The following SP140 variants were observed in gnomAD, a reference collection of about 807,000 sequenced individuals.
SP140 encodes the protein SP140 nuclear body protein.
In SP140, 81 loss-of-function variants were observed where a neutral mutation model predicts 125.0. That is an observed-to-expected ratio of 0.65 (90% CI 0.54 to 0.78). SP140 has a LOEUF of 0.78. SP140 is among the 30% of genes least tolerant of loss of function. The pLI is 0.00. For synonymous variants in SP140, 312 were observed against 354.0 expected (o/e 0.88, Z 1.33); for missense variants, 858 against 1,037.0 (o/e 0.83, Z 2.37).
chr2:230,310,064 T>G (rs773081762), intron 23 of SP140, 25 bp downstream of exon 23: 1 of 1,609,914 alleles, frequency 6.2e-7, no homozygotes, highest in South Asian at 1.1e-5. Flanking sequence ...GGCGTCTCTC[T>G]TTTTGTCCTT....
chr2:230,310,044 G>A lies in SP140; in HGVS notation c.2174+5G>A, dbSNP rs1297679484. ...CCCGCCTGTGGAAGCTGAGAGGTAA[G>A]TGACATGCAGGCGTCTCTCTTTTTG... On this transcript the variant is annotated splice_donor_5th_base_variant and intron_variant, in intron 23 of 26. Coordinates refer to ENST00000392045, the MANE Select transcript of SP140 (RefSeq NM_007237.5). 6.2e-7 allele frequency: 1 copy of A among 1,613,796 alleles called. No individual in the cohort carries two copies. Among genetic ancestry groups the A allele is most frequent in the East Asian group, 2.2e-5 (1 of 44,884 alleles).
Position 230,312,896 on chromosome 2 carries a change from G to C in SP140, c.*212G>C. On this transcript the variant is annotated 3_prime_UTR_variant, in exon 27 of 27. Coordinates refer to ENST00000392045, the MANE Select transcript of SP140 (RefSeq NM_007237.5). ...CAAGTATCTCATCAGCCAGGGAAGA[G>C]TAAGTGGGATCACAGGGAAGGATGT... 1 of 442,940 alleles carries C rather than the reference G, an allele frequency of 2.3e-6. No individual in the cohort carries two copies. Among genetic ancestry groups the C allele is most frequent in the Non-Finnish European group, 4.1e-6 (1 of 245,468 alleles). 27.4% of individuals were successfully genotyped at this position (442,940 alleles called of 1,614,324 possible).
chr2:230,223,390 T>C (rs1286894079), upstream of SP140, among the ~76,000 whole-genome samples: 3 of 152,178 alleles, frequency 2.0e-5, no homozygotes, highest in South Asian at 6.2e-4. Context: ...AACTATATTA[T>C]GACAAAGGGC....
Position 230,211,664 on chromosome 2 carries a change from A to T in SP140, c.-322-1990A>T. On this transcript the variant is annotated intron_variant, in intron 1 of 4. Coordinates refer to the SP140 transcript ENST00000456542. The surrounding 1 kb of genome is among the most constrained non-coding windows in gnomAD (Gnocchi z 4.2). ...AAGTAAAAATGACGGGGTAACAGCA[A>T]CCAAGGCCTGGGAAAGGATGGCATA... is the stretch of plus-strand genomic sequence containing the variant. 1 of 748,086 alleles carries T rather than the reference A, an allele frequency of 1.3e-6. No homozygotes were observed. The highest frequency in any genetic ancestry group is 2.4e-6 in the Non-Finnish European group (1 of 414,652). The allele number at this position is 748,086 out of a possible 1,614,324, so 46.3% of individuals were successfully genotyped here.
chr2:230,292,873 G>A (rs1277844631), intron 20 of SP140, 85 bp downstream of exon 20: 2 of 1,581,688 alleles, frequency 1.3e-6, no homozygotes, highest in Non-Finnish European at 1.7e-6. Context: ...ATATTTGTTA[G>A]GTTATAGCTA....
At chr2:230,286,670 G>A (rs2056421377) in intron 17 of SP140, among the ~76,000 whole-genome samples, 1 of 152,220 alleles carries the variant, frequency 6.6e-6, no homozygotes, top group Non-Finnish European at 1.5e-5. Flanking sequence ...CTGGATGTGA[G>A]TGAAGGGCTG....
intron 11 of SP140, 119 bp from the exon 12 acceptor site, chr2:230,255,333 T>G: frequency 8.8e-7 from 1 of 1,133,562 alleles, no homozygotes; most frequent in Non-Finnish European, 1.3e-6. Flanking sequence ...AGGACCTGGG[T>G]GGGGGACAGC....
In SP140 at chr2:230,269,868, G is replaced by A. The variant is rs752538813; in HGVS notation, c.1359G>A (p.Lys453=). 4.3e-6 allele frequency: 7 copies of A among 1,613,996 alleles called. No homozygotes were observed. The South Asian group carries it at 6.6e-5, about 15-fold the overall frequency. The change falls in exon 14 of 27, where the codon AAG becomes AAA. Residue 453 remains lysine, a synonymous_variant. Coordinates refer to ENST00000392045, the MANE Select transcript of SP140 (RefSeq NM_007237.5). ...GAEQSAYENE[K]CSCVMCFSEE... ...AGCAATCAGCATATGAAAATGAGAA[G>A]TGTTCCTGTGTCATGTGTTTCTCAG...
chr2:230,307,343 G>A (rs1395030276), intron 22 of SP140, among the ~76,000 whole-genome samples: 2 of 152,204 alleles, frequency 1.3e-5, no homozygotes, highest in Admixed American at 6.5e-5. Context: ...GAATGGTGAG[G>A]CTAAAAGAGC....
In SP140 at chr2:230,286,330, A is replaced by G. The variant is rs2056378176; in HGVS notation, c.1645+498A>G. 2.6e-5 allele frequency among the ~76,000 whole-genome samples: 4 copies of G among 152,214 alleles called. 1 individual carries two copies. The South Asian group carries it at 8.3e-4, about 32-fold the overall frequency. ...CAGTTTAAAGCACCTTCGCTTCTTCAGCCTAGGCAAGCCTTAGTCTGGAAC... is the reference window on the plus strand; with the variant it reads ...CAGTTTAAAGCACCTTCGCTTCTTCGGCCTAGGCAAGCCTTAGTCTGGAAC... On this transcript the variant is annotated intron_variant, in intron 17 of 26. Transcript: ENST00000392045.
At position 230,285,258 on chromosome 2, in the gene SP140, G is replaced by A. The variant is rs546026401; in HGVS notation, c.1565-494G>A. ...TCTGAGGACTTCCATTCTTCTAGAC[G>A]ATGAAGGCTAAGTCTCATTTTCTAA... On this transcript the variant is annotated intron_variant, in intron 16 of 26. Coordinates refer to ENST00000392045, the MANE Select transcript of SP140 (RefSeq NM_007237.5). 4.6e-5 allele frequency among the ~76,000 whole-genome samples: 7 copies of A among 152,152 alleles called. No homozygotes were observed. In the South Asian group the frequency reaches 6.2e-4, roughly 14 times the overall value.
intron 1 of SP140, among the ~76,000 whole-genome samples, chr2:230,226,217 C>T (rs1264796227): frequency 1.3e-5 from 2 of 152,138 alleles, no homozygotes; most frequent in African/African-American, 4.8e-5. Context: ...ACCCTCTCTT[C>T]TCCCCCAGGC....
rs899130509 is a variant in SP140 at position 230,229,681 on chromosome 2, A to G, written c.59+3778A>G. Among the ~76,000 whole-genome samples, 37 of 151,642 alleles carry G rather than the reference A, an allele frequency of 2.4e-4. 1 individual carries two copies. Among genetic ancestry groups the G allele is most frequent in the African/African-American group, 8.0e-4 (33 of 41,344 alleles). ...ACGGGATTTCACCATGTTAGCCAGG[A>G]TGGTCAAGAAATTCTTTTAACATTT... is the stretch of plus-strand genomic sequence containing the variant. On this transcript the variant is annotated intron_variant, in intron 1 of 26. Transcript: ENST00000392045.
chr2:230,275,562 CT>C (rs2054593757), intron 15 of SP140, among the ~76,000 whole-genome samples: 1 of 152,088 alleles, frequency 6.6e-6, no homozygotes, highest in African/African-American at 2.4e-5. Flanking sequence ...AGCTGTTCCC[CT>C]GTCTCTCTCC....
intron 22 of SP140, among the ~76,000 whole-genome samples, chr2:230,299,005 G>T (rs1412606583): frequency 6.6e-6 from 1 of 152,184 alleles, no homozygotes; most frequent in South Asian, 2.1e-4. Flanking sequence ...GTACAGCCAG[G>T]CCAACAACCA....
chr2:230,312,189 G>T (rs986794787), intron 26 of SP140, among the ~76,000 whole-genome samples: 1 of 152,200 alleles, frequency 6.6e-6, no homozygotes, highest in Admixed American at 6.5e-5. Flanking sequence ...TAATAAGAAA[G>T]GATCATGCTG....
intron 12 of SP140, among the ~76,000 whole-genome samples, chr2:230,267,053 G>T (rs1469790394): frequency 2.6e-5 from 4 of 152,136 alleles, no homozygotes; most frequent in Admixed American, 6.6e-5. Context: ...TATCGTCAAG[G>T]AAATTCCTAG....
chr2:230,190,843 G>T, the SP140 span, among the ~76,000 whole-genome samples: 15 of 152,116 alleles, frequency 9.9e-5, no homozygotes, highest in Non-Finnish European at 1.8e-4. Context: ...TTTTTGTCAG[G>T]TTTGTTGAAG....
intron 12 of SP140, among the ~76,000 whole-genome samples, chr2:230,262,328 G>A (rs141208153): frequency 2.4e-4 from 37 of 152,046 alleles, no homozygotes; most frequent in African/African-American, 8.7e-4. Flanking sequence ...GACGTTATTC[G>A]GGTTTTCTCT....
Sources: gnomAD v4.1 joint callset for allele counts (sites outside exome capture counted in the v4.1 genomes callset) on GRCh38, gnomAD v4.1.1 for gene constraint, Gnocchi (gnomAD v3.1) non-coding constraint, MANE v1.5 for transcripts, NCBI Gene and HGNC (gene_info 2026-07-23, HGNC 2026-07-21) for gene names.